Variants in INSL6 observed in about 807,000 individuals in gnomAD.
The protein encoded by INSL6 is insulin-like peptide INSL6.
In INSL6, 16 loss-of-function variants were observed where a neutral mutation model predicts 9.4. The observed-to-expected ratio is 1.70, with a 90% confidence interval of 1.15 to 2.59. INSL6 has a LOEUF of 2.59. INSL6 is among the 30% of genes most tolerant of loss of function. The pLI is 0.00. For synonymous variants in INSL6, 154 were observed against 96.9 expected, an observed-to-expected ratio of 1.59 and a Z score of -3.46; for missense variants, 391 against 257.3, an observed-to-expected ratio of 1.52 and a Z score of -3.56.
At chr9:5,042,202 A>G in the INSL6 span, among the ~76,000 whole-genome samples, 5 of 148,160 alleles carry the variant, frequency 3.4e-5, no homozygotes, top group East Asian at 8.0e-4. Context: ...CAGTGGCGCA[A>G]TCTCGGCTCA....
At chr9:5,024,146 C>T in the INSL6 span, among the ~76,000 whole-genome samples, 2 of 152,092 alleles carry the variant, frequency 1.3e-5, no homozygotes, top group Non-Finnish European at 2.9e-5. Flanking sequence ...GTCCCAGCTA[C>T]TTGGGAGGCT....
chr9:5,112,061 C>A, the INSL6 span: 1 of 405,154 alleles, frequency 2.5e-6, no homozygotes, highest in Middle Eastern at 7.0e-4. Flanking sequence ...ACGGGGGTCT[C>A]CACGGCCTGG....
At chr9:5,121,565 T>C (rs1823616599), downstream of INSL6, among the ~76,000 whole-genome samples, 1 of 152,160 alleles carries the variant, frequency 6.6e-6, no homozygotes, top group African/African-American at 2.4e-5. Context: ...CTATCTTCCT[T>C]GATGACTGAA....
the INSL6 span, chr9:5,029,675 G>T: frequency 1.0e-6 from 1 of 970,390 alleles, no homozygotes; most frequent in Non-Finnish European, 1.5e-6. Context: ...ATTACATTTT[G>T]TTCCGATTTT....
the INSL6 span, among the ~76,000 whole-genome samples, chr9:5,035,749 C>A: frequency 6.6e-6 from 1 of 152,132 alleles, no homozygotes; most frequent in Non-Finnish European, 1.5e-5. Flanking sequence ...TAAGAGCTAT[C>A]TATGACATAC....
rs143047236 is a variant in INSL6 at position 5,181,061 on chromosome 9, A to T, written c.289+4253T>A. ...CCTTTCTTTGTACTCTTTATTTCTC[A>T]GCCAGCGGACACTTATGGAAAATAG... On this transcript the variant is annotated intron_variant, in intron 1 of 1. Transcript: ENST00000381641. Among the ~76,000 whole-genome samples, 445 of 152,276 alleles carry T rather than the reference A, an allele frequency of 2.9e-3. 3 individuals are homozygous for T. The highest frequency in any genetic ancestry group is 0.01 in the African/African-American group (422 of 41,554).
the INSL6 span, among the ~76,000 whole-genome samples, chr9:5,014,513 C>G: frequency 6.6e-6 from 1 of 152,114 alleles, no homozygotes; most frequent in East Asian, 1.9e-4. Flanking sequence ...AAATCATAAT[C>G]TAATCTATGG....
In INSL6 at chr9:5,134,029, C is replaced by G. The variant is rs568414727; in HGVS notation, c.377-437G>C. ...GACATAATGGAGCTAAAAAACAGCA[C>G]GAGAACTTCATGAAGCATACACGAG... On this transcript the variant is annotated intron_variant, in intron 2 of 3. Coordinates refer to the INSL6 transcript ENST00000649639. Among the ~76,000 whole-genome samples the G allele has an allele frequency of 1.1e-4, 16 of 152,186 alleles. No homozygotes were observed. In the East Asian group the frequency reaches 1.4e-3, roughly 13 times the overall value.
At chr9:5,065,599 T>A in the INSL6 span, among the ~76,000 whole-genome samples, 5 of 152,226 alleles carry the variant, frequency 3.3e-5, no homozygotes, top group Admixed American at 3.3e-4. Flanking sequence ...AATTTTAATT[T>A]AATTTTAATT....
intron 1 of INSL6, among the ~76,000 whole-genome samples, chr9:5,176,535 C>A (rs1403867702): frequency 6.6e-6 from 1 of 151,780 alleles, no homozygotes; most frequent in Non-Finnish European, 1.5e-5. Flanking sequence ...TAAGACTAAG[C>A]AAAAGTATGC....
At chr9:5,119,589 T>C (rs1428689192), downstream of INSL6, among the ~76,000 whole-genome samples, 1 of 152,126 alleles carries the variant, frequency 6.6e-6, no homozygotes, top group African/African-American at 2.4e-5. Flanking sequence ...CATTACTTAA[T>C]TTGCAATAAA....
the INSL6 span, among the ~76,000 whole-genome samples, chr9:5,052,484 T>C: frequency 6.6e-6 from 1 of 152,048 alleles, no homozygotes; most frequent in Admixed American, 6.6e-5. Flanking sequence ...TTTAAAAGAG[T>C]TTATTGAGAT....
chr9:5,020,243 G>A, the INSL6 span, among the ~76,000 whole-genome samples: 1 of 152,184 alleles, frequency 6.6e-6, no homozygotes, highest in East Asian at 1.9e-4. Flanking sequence ...CAGCTGTGGT[G>A]GTAGTGGCAG....
the INSL6 span, chr9:5,108,920 C>T: frequency 5.3e-5 from 8 of 152,252 alleles, no homozygotes; most frequent in East Asian, 1.9e-4. Context: ...ATTCCAACTA[C>T]GAGTGAGTCC....
At chr9:5,044,334 C>T in the INSL6 span, 1 of 907,098 alleles carries the variant, frequency 1.1e-6, no homozygotes, top group South Asian at 1.4e-5. Flanking sequence ...CTGTAGGTGA[C>T]TATATATAGA....
At chr9:5,023,433 C>T in the INSL6 span, among the ~76,000 whole-genome samples, 3 of 152,044 alleles carry the variant, frequency 2.0e-5, no homozygotes, top group Non-Finnish European at 4.4e-5. Flanking sequence ...GCTTAGGACT[C>T]GGGGGGAGCG....
the INSL6 span, chr9:5,055,808 G>A: frequency 1.1e-5 from 17 of 1,593,742 alleles, no homozygotes; most frequent in Non-Finnish European, 1.3e-5. Flanking sequence ...CTTTATGATT[G>A]AATAATGGTT....
chr9:5,077,729 T>G, the INSL6 span: 2 of 463,946 alleles, frequency 4.3e-6, no homozygotes, highest in Non-Finnish European at 7.2e-6. Flanking sequence ...AAGAGATTAC[T>G]TTAGGCATAT....
the INSL6 span, among the ~76,000 whole-genome samples, chr9:5,105,755 A>C: frequency 6.6e-6 from 1 of 152,130 alleles, no homozygotes. Flanking sequence ...CAGAAATAAC[A>C]CCACACATCT....
Sources: allele counts gnomAD v4.1 joint callset (sites outside exome capture counted in the v4.1 genomes callset), GRCh38; gene constraint gnomAD v4.1.1; transcripts MANE v1.5; gene names NCBI Gene and HGNC (gene_info 2026-07-23, HGNC 2026-07-21).